Variants in DAB1 observed in about 807,000 individuals in gnomAD.
The protein encoded by DAB1 is disabled homolog 1.
In DAB1, 15 loss-of-function variants were observed where a neutral mutation model predicts 64.6. That is an observed-to-expected ratio of 0.23 (90% confidence interval 0.16 to 0.36). The LOEUF (loss-of-function observed/expected upper bound fraction) is 0.36. Among genes scored for constraint, DAB1 ranks in the 10% least tolerant of loss-of-function variants. DAB1 has a pLI of 1.00. For synonymous variants in DAB1, 235 were observed against 251.9 expected (o/e 0.93, Z 0.64); for missense variants, 596 against 706.7 (o/e 0.84, Z 1.78).
intron 4 of DAB1, among the ~76,000 whole-genome samples, chr1:57,089,249 G>T (rs761170643): frequency 6.6e-6 from 1 of 152,164 alleles, no homozygotes; most frequent in African/African-American, 2.4e-5. Context: ...CTCTGTTTAT[G>T]TACAATATAC....
chr1:57,274,884 ATT>A (rs3042300), intron 2 of DAB1, among the ~76,000 whole-genome samples: 75,240 of 146,720 alleles, frequency 0.51, 19,887 homozygotes, highest in African/African-American at 0.67. Context: ...GCTCAGCCAA[ATT>A]TTTTTTTTTT....
At chr1:57,668,554 G>A (rs1312155559) in intron 6 of DAB1, among the ~76,000 whole-genome samples, 2 of 152,178 alleles carry the variant, frequency 1.3e-5, no homozygotes, top group African/African-American at 4.8e-5. Flanking sequence ...ATCTTAAGTG[G>A]GGGAGTGAGC....
chr1:57,145,094 T>TC (rs1218971329), intron 3 of DAB1, among the ~76,000 whole-genome samples, 196 bp downstream of exon 3: 5 of 152,172 alleles, frequency 3.3e-5, no homozygotes, highest in Non-Finnish European at 7.4e-5. Flanking sequence ...CCAAAATATT[T>TC]CCACATAGTA....
chr1:58,490,162 C>G (rs890898147), intron 3 of DAB1, among the ~76,000 whole-genome samples: 2 of 152,084 alleles, frequency 1.3e-5, no homozygotes. Flanking sequence ...GGAGGAAGTT[C>G]GAACCCATGG....
At chr1:57,409,065 C>T (rs1263434187) in intron 1 of DAB1, among the ~76,000 whole-genome samples, 2 of 152,106 alleles carry the variant, frequency 1.3e-5, no homozygotes, top group South Asian at 2.1e-4. Context: ...TGTGTGGTGC[C>T]CACTCCCACC....
intron 7 of DAB1, among the ~76,000 whole-genome samples, chr1:57,641,485 G>T (rs1273992524): frequency 7.1e-6 from 1 of 141,596 alleles, no homozygotes; most frequent in Non-Finnish European, 1.5e-5. Flanking sequence ...TGGGGTTTAC[G>T]CCATTCTCCT....
intron 4 of DAB1, among the ~76,000 whole-genome samples, chr1:58,233,083 G>C (rs1182631086): frequency 6.6e-6 from 1 of 152,204 alleles, no homozygotes; most frequent in Non-Finnish European, 1.5e-5. Flanking sequence ...CCAGATAGGT[G>C]TGATTCAGAA....
At chr1:57,730,977 C>A (rs1341378443) in intron 6 of DAB1, among the ~76,000 whole-genome samples, 2 of 152,118 alleles carry the variant, frequency 1.3e-5, no homozygotes, top group Non-Finnish European at 2.9e-5. Context: ...AGTATATACA[C>A]AAAAGAATTA....
At chr1:57,518,565 T>C (rs758497878) in intron 7 of DAB1, among the ~76,000 whole-genome samples, 8 of 152,240 alleles carry the variant, frequency 5.3e-5, no homozygotes, top group Non-Finnish European at 8.8e-5. Flanking sequence ...ATTCCTTTTT[T>C]TCATGTGTGA....
chr1:58,442,200 C>T (rs1156335349), intron 3 of DAB1, among the ~76,000 whole-genome samples: 6 of 152,170 alleles, frequency 3.9e-5, no homozygotes, highest in Admixed American at 3.9e-4. Context: ...CATGTGAACC[C>T]TCAAACCCAA....
chr1:58,163,089 C>A lies in DAB1; in HGVS notation n.310-12501G>T, dbSNP rs117627760. ...AGAAACCTATTCTAAGTTAGCCCTG[C>A]GAAAACCGGGAAGCAAACCAGGAGC... On this transcript the variant is annotated intron_variant and non_coding_transcript_variant, in intron 4 of 20. Transcript: ENST00000485760. Among the ~76,000 whole-genome samples the A allele has an allele frequency of 2.6e-5, 4 of 152,240 alleles. No individual in the cohort carries two copies. The East Asian group carries it at 7.7e-4, about 29-fold the overall frequency.
chr1:57,750,803 A>G (rs1648514391), intron 6 of DAB1, among the ~76,000 whole-genome samples: 1 of 152,114 alleles, frequency 6.6e-6, no homozygotes, highest in African/African-American at 2.4e-5. Context: ...TAGAGGTCAT[A>G]TCCCTTTATC....
At chr1:57,542,844 T>C (rs1047166553) in intron 7 of DAB1, among the ~76,000 whole-genome samples, 5 of 152,120 alleles carry the variant, frequency 3.3e-5, no homozygotes, top group African/African-American at 1.2e-4. Context: ...GCAGAAGAGA[T>C]GATATGTCAC....
At chr1:57,085,770 C>T (rs1473346690) in intron 4 of DAB1, among the ~76,000 whole-genome samples, 4 of 152,168 alleles carry the variant, frequency 2.6e-5, no homozygotes, top group Admixed American at 2.6e-4. Flanking sequence ...TCCTCGCACA[C>T]TGTATGACAC....
chr1:58,522,632 G>A (rs1233696567), intron 2 of DAB1, among the ~76,000 whole-genome samples: 1 of 152,240 alleles, frequency 6.6e-6, no homozygotes, highest in South Asian at 2.1e-4. Flanking sequence ...CCTCTGTGCA[G>A]TCAAAAATCC....
At chr1:57,322,928 C>T (rs1675839820) in intron 1 of DAB1, among the ~76,000 whole-genome samples, 1 of 152,128 alleles carries the variant, frequency 6.6e-6, no homozygotes, top group African/African-American at 2.4e-5. Flanking sequence ...TCTAAAGACC[C>T]TCAGGTTTCT....
chr1:58,404,570 G>T (rs1217306695), intron 3 of DAB1, among the ~76,000 whole-genome samples: 1 of 152,128 alleles, frequency 6.6e-6, no homozygotes, highest in Non-Finnish European at 1.5e-5. Flanking sequence ...GCTTTCCCAG[G>T]AGAGTGCTTG....
intron 3 of DAB1, among the ~76,000 whole-genome samples, chr1:58,423,532 A>T (rs1268798102): frequency 6.6e-6 from 1 of 152,180 alleles, no homozygotes; most frequent in Non-Finnish European, 1.5e-5. Context: ...TTCTGCCATG[A>T]GGCCGACCTC....
At chr1:57,777,136 A>AT (rs1553127983) in intron 6 of DAB1, among the ~76,000 whole-genome samples, 3 of 129,998 alleles carry the variant, frequency 2.3e-5, no homozygotes, top group Non-Finnish European at 3.3e-5. Context: ...TTATTTTCTG[A>AT]ATTTCTTTTT....
Sources: gnomAD v4.1 joint callset for allele counts (sites outside exome capture counted in the v4.1 genomes callset) on GRCh38, gnomAD v4.1.1 for gene constraint, MANE v1.5 for transcripts, NCBI Gene and HGNC (gene_info 2026-07-23, HGNC 2026-07-21) for gene names.